The following MYOF variants were observed in gnomAD, a reference collection of about 807,000 sequenced individuals.
MYOF encodes the protein myoferlin, also known as fer-1-like 3, myoferlin.
Under a neutral mutation model 284.2 loss-of-function variants are expected in MYOF, and 244 were observed. That is an observed-to-expected ratio of 0.86 (90% CI 0.77 to 0.95). MYOF has a LOEUF of 0.95. MYOF is among the 40% of genes least tolerant of loss of function. The pLI, the probability that MYOF is intolerant of heterozygous loss-of-function variation, is 0.00. For missense variants in MYOF, 2,496 were observed against 2,560.6 expected (o/e 0.97, Z 0.54); for synonymous variants, 904 against 919.7 (o/e 0.98, Z 0.31).
chr10:93,315,688 T>C lies in MYOF; in HGVS notation c.5698+1026A>G, dbSNP rs567794603. On this transcript the variant is annotated intron_variant, in intron 50 of 53. Coordinates refer to ENST00000359263, the MANE Select transcript of MYOF (RefSeq NM_013451.4). Reference sequence around the variant, plus strand: ...GCACTATGAGAGCGCAGGCTACACGTCCTGGTTTAGGAGCCATACTTTGTG... The same window carrying C: ...GCACTATGAGAGCGCAGGCTACACGCCCTGGTTTAGGAGCCATACTTTGTG... Among the ~76,000 whole-genome samples the C allele has an allele frequency of 1.7e-4, 26 of 152,206 alleles. No homozygotes were observed. In the South Asian group the frequency reaches 4.4e-3, roughly 26 times the overall value.
chr10:93,435,681 C>A (rs1315335485), intron 3 of MYOF, among the ~76,000 whole-genome samples: 3 of 152,020 alleles, frequency 2.0e-5, no homozygotes, highest in African/African-American at 7.3e-5. Context: ...TCTTTTCTGG[C>A]CAGGTGCAGT....
At chr10:93,396,478 T>C (rs1847016805) in intron 15 of MYOF, among the ~76,000 whole-genome samples, 1 of 152,160 alleles carries the variant, frequency 6.6e-6, no homozygotes, top group African/African-American at 2.4e-5. Flanking sequence ...CATTTATAAG[T>C]GTATCCCAAT....
chr10:93,451,649 A>C (rs376958684), intron 3 of MYOF, among the ~76,000 whole-genome samples: 4 of 151,572 alleles, frequency 2.6e-5, no homozygotes, highest in South Asian at 2.1e-4. Flanking sequence ...CTGAAAGTAA[A>C]ACTTGAATGA....
At chr10:93,349,760 T>C in intron 36 of MYOF, 48 bp downstream of exon 36, 1 of 1,596,840 alleles carries the variant, frequency 6.3e-7, no homozygotes, top group Non-Finnish European at 8.6e-7. Context: ...AGGCACATAC[T>C]TTCATATTTC....
In MYOF at chr10:93,347,633, G is replaced by T; in HGVS notation, c.4233C>A (p.Ile1411=). Residue 1411 remains isoleucine, a synonymous_variant, in exon 37 of 54, where the codon ATC becomes ATA. Transcript: ENST00000359263. Reference sequence around the variant, plus strand: ...GCATGTTACCTTTGAGCTGTGGGACGATGTCCTCTTTCCCTGCATAAGGGT... The same window carrying T: ...GCATGTTACCTTTGAGCTGTGGGACTATGTCCTCTTTCCCTGCATAAGGGT... ...RCDPYAGKED[I]VPQLKASLLS... 1.2e-6 allele frequency: 2 copies of T among 1,612,318 alleles called. No homozygotes were observed. Among genetic ancestry groups the T allele is most frequent in the Non-Finnish European group, 1.7e-6 (2 of 1,179,272 alleles).
intron 1 of MYOF, among the ~76,000 whole-genome samples, 179 bp from the exon 2 acceptor site, chr10:93,457,116 G>C (rs1223216737): frequency 6.6e-6 from 1 of 152,058 alleles, no homozygotes; most frequent in African/African-American, 2.4e-5. Context: ...GCATTTTTTG[G>C]TCTACAAGGT....
At chr10:93,334,434 C>T (rs1432944616) in intron 41 of MYOF, among the ~76,000 whole-genome samples, 1 of 151,854 alleles carries the variant, frequency 6.6e-6, no homozygotes, top group East Asian at 1.9e-4. Context: ...CAACCCCATA[C>T]TCACCCCTGG....
chr10:93,470,754 T>C (rs986887635), intron 1 of MYOF, among the ~76,000 whole-genome samples: 1 of 152,190 alleles, frequency 6.6e-6, no homozygotes, highest in Non-Finnish European at 1.5e-5. Flanking sequence ...GACTATAAGC[T>C]GCATGTGGGC....
At chr10:93,309,905 C>T in intron 53 of MYOF, 115 bp downstream of exon 53, 1 of 1,296,060 alleles carries the variant, frequency 7.7e-7, no homozygotes, top group Non-Finnish European at 1.1e-6. Context: ...GGGTTACAAC[C>T]CCATGCTGCT....
intron 16 of MYOF, among the ~76,000 whole-genome samples, chr10:93,393,697 G>A (rs559152355): frequency 6.6e-6 from 1 of 152,256 alleles, no homozygotes; most frequent in East Asian, 1.9e-4. Context: ...TTCGTGTAAT[G>A]GTCACCTTTG....
intron 27 of MYOF, among the ~76,000 whole-genome samples, chr10:93,361,840 A>G (rs1278459443): frequency 6.6e-6 from 1 of 152,222 alleles, no homozygotes; most frequent in Non-Finnish European, 1.5e-5. Flanking sequence ...GAATCTCAGC[A>G]ATTTCTTATG....
Position 93,309,367 on chromosome 10 carries a change from G to A in MYOF, c.6147+653C>T, listed in dbSNP as rs141967281. 1.1e-3 allele frequency among the ~76,000 whole-genome samples: 170 copies of A among 152,300 alleles called. 1 individual carries two copies. The highest frequency in any genetic ancestry group is 3.8e-3 in the African/African-American group (157 of 41,560). The stretch of plus-strand genomic sequence containing the variant: ...GCAATACATCCTCTGGATGGAGGAA[G>A]GGAGGTACTACTTCTAGGCAAGCTG... On this transcript the variant is annotated intron_variant, in intron 53 of 53. Transcript: ENST00000359263.
intron 31 of MYOF, among the ~76,000 whole-genome samples, chr10:93,354,662 ATTCACT>A (rs1844701319): frequency 1.5e-5 from 1 of 66,586 alleles, no homozygotes; most frequent in African/African-American, 4.6e-5. Flanking sequence ...TCACTCACAC[ATTCACT>A]CTCTCTCTCT....
At chr10:93,462,796 A>G (rs1295436721) in intron 1 of MYOF, among the ~76,000 whole-genome samples, 1 of 152,044 alleles carries the variant, frequency 6.6e-6, no homozygotes, top group African/African-American at 2.4e-5. Flanking sequence ...ACATATTTAT[A>G]TTAGTCAATT....
intron 5 of MYOF, among the ~76,000 whole-genome samples, chr10:93,423,054 T>C (rs1313375541): frequency 3.3e-5 from 5 of 152,164 alleles, no homozygotes; most frequent in Non-Finnish European, 5.9e-5. Flanking sequence ...AAAATTCATG[T>C]CCACTGGAAC....
At chr10:93,474,238 C>T (rs1301369601) in intron 1 of MYOF, among the ~76,000 whole-genome samples, 3 of 152,182 alleles carry the variant, frequency 2.0e-5, no homozygotes, top group Admixed American at 6.5e-5. Flanking sequence ...TTACTAGTCT[C>T]CCTGACTAGT....
chr10:93,428,290 A>G (rs1848685685), intron 4 of MYOF, among the ~76,000 whole-genome samples: 1 of 146,874 alleles, frequency 6.8e-6, no homozygotes, highest in Non-Finnish European at 1.5e-5. Context: ...TCCGCCTCAC[A>G]CCCGGGTTCC....
chr10:93,371,019 A>G lies in MYOF; in HGVS notation c.2458-1243T>C, dbSNP rs570708663. Among the ~76,000 whole-genome samples, 6 of 152,208 alleles carry G rather than the reference A, an allele frequency of 3.9e-5. 1 individual carries two copies. The South Asian group carries it at 1.2e-3, about 32-fold the overall frequency. On this transcript the variant is annotated intron_variant, in intron 24 of 53. Coordinates refer to ENST00000359263, the MANE Select transcript of MYOF (RefSeq NM_013451.4). ...AATAAGTTTGATAGCTTCCCAACAC[A>G]TAGACTTTCTGATAAGTGATATTAA...
chr10:93,462,109 G>A (rs1466692313), intron 1 of MYOF, among the ~76,000 whole-genome samples: 1 of 86,976 alleles, frequency 1.1e-5, no homozygotes, highest in South Asian at 3.9e-4. Flanking sequence ...TTTTTTTTTT[G>A]AGTTAGAGTC....
Sources: gnomAD v4.1 joint callset for allele counts (sites outside exome capture counted in the v4.1 genomes callset) on GRCh38, gnomAD v4.1.1 for gene constraint, MANE v1.5 for transcripts, NCBI Gene and HGNC (gene_info 2026-07-23, HGNC 2026-07-21) for gene names.